CFAP206: variants seen among roughly 807,000 people sequenced by gnomAD.
The protein encoded by CFAP206 is cilia and flagella associated protein 206.
In CFAP206, 53 loss-of-function variants were observed where a neutral mutation model predicts 65.4. The ratio of observed to expected loss-of-function variants is 0.81; its 90% CI spans 0.65 to 1.02. The LOEUF is 1.02. Ranked by LOEUF, CFAP206 falls within the 50% of genes least tolerant of loss-of-function variation. The probability of loss-of-function intolerance (pLI) is 0.00; values close to 1 mark genes in which losing one functional copy is unlikely to be tolerated. For missense variants in CFAP206, 663 were observed against 753.2 expected (o/e 0.88, Z 1.40); for synonymous variants, 250 against 254.4 (o/e 0.98, Z 0.17).
At chr6:87,420,416 T>A (rs1767918670) in intron 7 of CFAP206, among the ~76,000 whole-genome samples, 1 of 152,226 alleles carries the variant, frequency 6.6e-6, no homozygotes, top group Non-Finnish European at 1.5e-5. Context: ...TCATTGGCGT[T>A]CTACTTCTCA....
At chr6:87,412,957 C>T (rs1427894085) in intron 3 of CFAP206, among the ~76,000 whole-genome samples, 2 of 152,124 alleles carry the variant, frequency 1.3e-5, no homozygotes, top group Non-Finnish European at 2.9e-5. Context: ...ACTGCACCAG[C>T]TGCAGCAGCT....
intron 11 of CFAP206, among the ~76,000 whole-genome samples, chr6:87,442,707 C>T (rs537898236): frequency 5.9e-5 from 9 of 152,008 alleles, no homozygotes; most frequent in Non-Finnish European, 1.0e-4. Flanking sequence ...TGAATTGTAT[C>T]AAATACTATT....
chr6:87,462,656 T>C (rs1046704035), intron 12 of CFAP206, among the ~76,000 whole-genome samples: 7 of 152,084 alleles, frequency 4.6e-5, no homozygotes, highest in African/African-American at 1.7e-4. Flanking sequence ...AGGAGGGAAG[T>C]GATGGCTGGA....
chr6:87,444,920 G>A, intron 11 of CFAP206: 1 of 534,414 alleles, frequency 1.9e-6, no homozygotes, highest in Non-Finnish European at 3.7e-6. Flanking sequence ...CCACTTGTAA[G>A]CCTGGGCTGA....
At position 87,431,065 on chromosome 6, in the gene CFAP206, C is replaced by G. The variant is rs199678618; in HGVS notation, c.1192C>G (p.Leu398Val). The change falls in exon 10 of 13, where the codon CTA (leucine) becomes GTA (valine). Residue 398 changes from leucine to valine, a missense_variant. Physicochemically the swap from Leu to Val is conservative, Grantham distance 32. Transcript: ENST00000369562. ...AGTAAATGTGGCAGATTTCAGAAAA[C>G]TAGAATGGCTTTTCCCAGAAACAAC... ...DRVNVADFRK[L>V]EWLFPETTAN... 1.2e-6 allele frequency: 2 copies of G among 1,613,860 alleles called. No homozygotes were observed. Among genetic ancestry groups the G allele is most frequent in the Non-Finnish European group, 1.7e-6 (2 of 1,179,826 alleles).
At chr6:87,415,391 T>C (rs1767807837) in intron 4 of CFAP206, among the ~76,000 whole-genome samples, 1 of 151,164 alleles carries the variant, frequency 6.6e-6, no homozygotes. Flanking sequence ...CTTTATTTTC[T>C]GCTTAATTGG....
In CFAP206 at chr6:87,431,063, A is replaced by C; in HGVS notation, c.1190A>C (p.Lys397Thr). ...AGAGTAAATGTGGCAGATTTCAGAAAACTAGAATGGCTTTTCCCAGAAACA... is the reference window on the plus strand; with the variant it reads ...AGAGTAAATGTGGCAGATTTCAGAACACTAGAATGGCTTTTCCCAGAAACA... ...EDRVNVADFR[K>T]LEWLFPETTA... The change falls in exon 10 of 13, where the codon AAA becomes ACA. Residue 397 changes from lysine (K) to threonine (T), a missense_variant. By Grantham distance (78) the Lys-to-Thr change is moderately conservative. Coordinates refer to ENST00000369562, the MANE Select transcript of CFAP206 (RefSeq NM_001031743.3). The C allele has an allele frequency of 2.5e-6, 4 of 1,614,050 alleles. No individual in the cohort carries two copies. Among genetic ancestry groups the C allele is most frequent in the Non-Finnish European group, 3.4e-6 (4 of 1,179,930 alleles).
At chr6:87,409,120 T>C (rs9450672) in intron 1 of CFAP206, among the ~76,000 whole-genome samples, 46,747 of 151,850 alleles carry the variant, frequency 0.31, 7,373 homozygotes, top group African/African-American at 0.39. Flanking sequence ...AGTACAGTTC[T>C]GAAGGGTCAT....
At chr6:87,437,817 C>A in intron 11 of CFAP206, among the ~76,000 whole-genome samples, 1 of 147,700 alleles carries the variant, frequency 6.8e-6, no homozygotes, top group African/African-American at 2.5e-5. Context: ...ACCAACCATG[C>A]CTGGCTAATT....
chr6:87,421,068 A>G (rs976147443), intron 7 of CFAP206, among the ~76,000 whole-genome samples: 3 of 152,254 alleles, frequency 2.0e-5, no homozygotes, highest in East Asian at 1.9e-4. Context: ...GATTTTTCCT[A>G]TATTAAAATC....
At chr6:87,435,847 G>A (rs2127953084) in intron 11 of CFAP206, 1 of 151,868 alleles carries the variant, frequency 6.6e-6, no homozygotes, top group East Asian at 1.9e-4. Context: ...AAACTTTTTT[G>A]TAGAGATGGG....
chr6:87,449,254 G>A (rs1443500167), intron 11 of CFAP206, among the ~76,000 whole-genome samples: 2 of 151,946 alleles, frequency 1.3e-5, no homozygotes, highest in Non-Finnish European at 2.9e-5. Context: ...GGCTAACATG[G>A]TGAAACCCCG....
intron 11 of CFAP206, chr6:87,436,805 TAGTA>T (rs1768275994): frequency 6.6e-6 from 1 of 152,160 alleles, no homozygotes; most frequent in Non-Finnish European, 1.5e-5. Context: ...GTGAGCCAAA[TAGTA>T]GGTAGGCCTA....
chr6:87,413,837 A>G lies in CFAP206; in HGVS notation c.220A>G (p.Lys74Glu), dbSNP rs532439821. The G allele has an allele frequency of 4.4e-5, 69 of 1,570,954 alleles. 3 individuals are homozygous for G. The South Asian group carries it at 8.2e-4, about 19-fold the overall frequency. Reference protein sequence around the residue: ...KLCMTRLLDTKNPSLDTIKMQ... With the variant: ...KLCMTRLLDTENPSLDTIKMQ... Reference sequence around the variant, plus strand: ...TTGTATGACTCGGCTATTGGATACTAAAAATCCATCCCTGGACACTATTAA... The same window carrying G: ...TTGTATGACTCGGCTATTGGATACTGAAAATCCATCCCTGGACACTATTAA... The change falls in exon 4 of 13, where the codon AAA becomes GAA. Residue 74 changes from lysine (K) to glutamate (E), a missense_variant. Coordinates refer to ENST00000369562, the MANE Select transcript of CFAP206 (RefSeq NM_001031743.3).
intron 3 of CFAP206, among the ~76,000 whole-genome samples, chr6:87,411,824 G>C (rs573510555): frequency 1.3e-5 from 2 of 152,270 alleles, no homozygotes; most frequent in African/African-American, 4.8e-5. Flanking sequence ...CCTGACTGCA[G>C]GTATGTGGCT....
Position 87,416,810 on chromosome 6 carries a change from G to A in CFAP206, c.614G>A (p.Gly205Glu). 6.2e-7 allele frequency: 1 copy of A among 1,613,540 alleles called. No homozygotes were observed. The highest frequency in any genetic ancestry group is 8.5e-7 in the Non-Finnish European group (1 of 1,179,690). Residue 205 changes from glycine to glutamate, a missense_variant, in exon 6 of 13, where the codon GGA becomes GAA. Physicochemically the swap from Gly to Glu is moderately conservative, Grantham distance 98 (BLOSUM62 -2). Coordinates refer to ENST00000369562, the MANE Select transcript of CFAP206 (RefSeq NM_001031743.3). ...RLFNRDCGKGGEGIDDLPAVL... is the reference protein window; with the variant it reads ...RLFNRDCGKGEEGIDDLPAVL... ...TTTAACAGAGACTGTGGAAAAGGAG[G>A]AGAAGGCATTGATGATTGTAGGTAT... is the stretch of plus-strand genomic sequence containing the variant.
At chr6:87,413,144 A>G (rs1767766497) in intron 3 of CFAP206, among the ~76,000 whole-genome samples, 1 of 152,258 alleles carries the variant, frequency 6.6e-6, no homozygotes, top group African/African-American at 2.4e-5. Flanking sequence ...GCCACCTGGC[A>G]TGATGATTAT....
At chr6:87,415,968 G>T in intron 5 of CFAP206, 94 bp downstream of exon 5, 13 of 903,198 alleles carry the variant, frequency 1.4e-5, no homozygotes, top group South Asian at 3.9e-5. Flanking sequence ...AAAGATTGAA[G>T]TTCCCTTTTT....
chr6:87,418,509 G>A, intron 7 of CFAP206, 93 bp downstream of exon 7: 8 of 1,018,704 alleles, frequency 7.9e-6, no homozygotes, highest in Non-Finnish European at 1.1e-5. Context: ...TAATTAAGGA[G>A]AAAACCTCAG....
Sources: allele counts gnomAD v4.1 joint callset (sites outside exome capture counted in the v4.1 genomes callset), GRCh38; gene constraint gnomAD v4.1.1; transcripts MANE v1.5; gene names NCBI Gene and HGNC (gene_info 2026-07-23, HGNC 2026-07-21).